SPOPL: variants seen among roughly 807,000 people sequenced by gnomAD.
The protein encoded by SPOPL is speckle type BTB/POZ protein like.
SPOPL carries 23 observed loss-of-function variants against 53.8 expected under a neutral mutation model. That is an observed-to-expected ratio of 0.43 (90% CI 0.31 to 0.61). SPOPL has a LOEUF of 0.61. SPOPL is among the 20% of genes least tolerant of loss of function. The pLI is 0.12. For missense variants in SPOPL, 442 were observed against 466.9 expected (o/e 0.95, Z 0.49); for synonymous variants, 164 against 149.7 (o/e 1.10, Z -0.70).
chr2:138,529,629 A>G (rs1405059985), intron 1 of SPOPL, among the ~76,000 whole-genome samples: 1 of 151,982 alleles, frequency 6.6e-6, no homozygotes, highest in South Asian at 2.1e-4. Flanking sequence ...CAGTTGCTAT[A>G]TTTTAGGTTT....
intron 1 of SPOPL, among the ~76,000 whole-genome samples, chr2:138,545,945 A>T (rs74439916): frequency 0.011 from 1,657 of 152,292 alleles, 34 homozygotes; most frequent in African/African-American, 0.038. Flanking sequence ...AATGTCAAGA[A>T]ATTTATTGGT....
intron 1 of SPOPL, among the ~76,000 whole-genome samples, chr2:138,519,817 A>T (rs953157241): frequency 2.0e-5 from 3 of 152,204 alleles, no homozygotes; most frequent in African/African-American, 2.4e-5. Context: ...ATAAATTTTT[A>T]AAAAAGTAAA....
intron 1 of SPOPL, among the ~76,000 whole-genome samples, chr2:138,521,365 C>T (rs1286352034): frequency 5.2e-5 from 7 of 134,830 alleles, no homozygotes; most frequent in Admixed American, 1.5e-4. Context: ...GACCCCAGAG[C>T]TTTTTTTTTT....
At chr2:138,568,779 AG>A (rs1272090489) in intron 10 of SPOPL, among the ~76,000 whole-genome samples, 156 bp from the exon 11 acceptor site, 1 of 152,246 alleles carries the variant, frequency 6.6e-6, no homozygotes, top group Non-Finnish European at 1.5e-5. Context: ...GATACCAGTA[AG>A]ATAAAGATGG....
chr2:138,569,722 CTG>C lies in SPOPL; in HGVS notation c.*645_*646del, dbSNP rs1184603282. The C allele has an allele frequency of 3.3e-5, 5 of 152,282 alleles. No homozygotes were observed. Among genetic ancestry groups the C allele is most frequent in the Non-Finnish European group, 5.9e-5 (4 of 68,018 alleles). The allele number at this position is 152,282 out of a possible 1,614,324, so 9.4% of individuals were successfully genotyped here. A position where few individuals can be genotyped will look rare whatever the true frequency, so the allele number is the denominator to read the frequency against. ...TCTTGTATGTTAACTGTCCAACAAA[CTG>C]TGGGTTTATTCTAAGTTTACAATTA... On this transcript the variant is annotated 3_prime_UTR_variant, in exon 11 of 11. Transcript: ENST00000280098.
intron 1 of SPOPL, among the ~76,000 whole-genome samples, chr2:138,519,335 C>T (rs1684508306): frequency 6.6e-6 from 1 of 151,654 alleles, no homozygotes; most frequent in African/African-American, 2.4e-5. Context: ...ATATAGTAAT[C>T]TCAAGGAGCT....
chr2:138,509,041 A>C (rs758309234), intron 1 of SPOPL, among the ~76,000 whole-genome samples: 7 of 152,172 alleles, frequency 4.6e-5, no homozygotes, highest in Non-Finnish European at 1.0e-4. Context: ...AATACATGAG[A>C]CTAAACTTTA....
At chr2:138,523,302 G>A (rs1044972374) in intron 1 of SPOPL, among the ~76,000 whole-genome samples, 1 of 152,016 alleles carries the variant, frequency 6.6e-6, no homozygotes, top group Non-Finnish European at 1.5e-5. Context: ...AGAACATCAC[G>A]AAAAACACCC....
intron 4 of SPOPL, among the ~76,000 whole-genome samples, chr2:138,551,365 C>T (rs922267844): frequency 3.9e-5 from 6 of 151,992 alleles, no homozygotes; most frequent in South Asian, 2.1e-4. Flanking sequence ...ATATATAATA[C>T]GTGCTCAGGA....
chr2:138,552,813 T>A, intron 5 of SPOPL, 132 bp downstream of exon 5: 1 of 1,101,114 alleles, frequency 9.1e-7, no homozygotes, highest in Non-Finnish European at 1.3e-6. Context: ...AATTCTTGAC[T>A]AGAAAAAGCT....
At chr2:138,550,101 C>T in intron 1 of SPOPL, 56 bp from the exon 2 acceptor site, 1 of 815,970 alleles carries the variant, frequency 1.2e-6, no homozygotes, top group Non-Finnish European at 2.0e-6. Context: ...TGTCTTCCCT[C>T]TTGATTCTGT....
intron 1 of SPOPL, among the ~76,000 whole-genome samples, chr2:138,536,344 C>CACACA (rs1553469712): frequency 0.011 from 1,616 of 149,548 alleles, 40 homozygotes; most frequent in African/African-American, 0.035. Flanking sequence ...AGTGCCCCCC[C>CACACA]CCCACACACA....
intron 1 of SPOPL, among the ~76,000 whole-genome samples, chr2:138,523,271 C>T (rs1684595474): frequency 6.6e-6 from 1 of 152,140 alleles, no homozygotes; most frequent in African/African-American, 2.4e-5. Flanking sequence ...ACCATGAGAT[C>T]TCATGAGACT....
chr2:138,548,567 G>C (rs1685247331), intron 1 of SPOPL, among the ~76,000 whole-genome samples: 1 of 151,740 alleles, frequency 6.6e-6, no homozygotes, highest in Non-Finnish European at 1.5e-5. Flanking sequence ...TAGTTTGATA[G>C]GTAAAAAGTG....
intron 1 of SPOPL, among the ~76,000 whole-genome samples, chr2:138,503,546 T>C (rs1405533000): frequency 6.6e-6 from 1 of 152,218 alleles, no homozygotes; most frequent in African/African-American, 2.4e-5. Flanking sequence ...TTTTTTGATA[T>C]AGATAGCATG....
chr2:138,561,071 C>G, intron 8 of SPOPL, 144 bp downstream of exon 8: 1 of 1,012,608 alleles, frequency 9.9e-7, no homozygotes, highest in South Asian at 1.9e-5. Context: ...GTGGGGTAAT[C>G]TGGAAATGAA....
intron 1 of SPOPL, among the ~76,000 whole-genome samples, chr2:138,521,623 A>G (rs1250648699): frequency 1.3e-5 from 2 of 152,108 alleles, no homozygotes; most frequent in East Asian, 1.9e-4. Flanking sequence ...GAGGCTCTAA[A>G]TCTTCTCTTT....
chr2:138,537,362 G>A (rs1573888713), intron 1 of SPOPL, among the ~76,000 whole-genome samples: 1 of 152,136 alleles, frequency 6.6e-6, no homozygotes, highest in South Asian at 2.1e-4. Flanking sequence ...TACATGATTG[G>A]GGGCTGCATG....
At chr2:138,557,752 A>G (rs1049878909) in intron 5 of SPOPL, among the ~76,000 whole-genome samples, 2 of 152,202 alleles carry the variant, frequency 1.3e-5, no homozygotes, top group Non-Finnish European at 2.9e-5. Flanking sequence ...TAAAAAAGTC[A>G]TTTACTTTGA....
Sources: allele counts gnomAD v4.1 joint callset (sites outside exome capture counted in the v4.1 genomes callset), GRCh38; gene constraint gnomAD v4.1.1; transcripts MANE v1.5; gene names NCBI Gene and HGNC (gene_info 2026-07-23, HGNC 2026-07-21).